Variants in ZNF385D observed in about 807,000 individuals in gnomAD.
ZNF385D encodes zinc finger protein 385D, also known as zinc finger protein 659.
ZNF385D carries 15 observed loss-of-function variants against 35.8 expected under a neutral mutation model. The observed-to-expected ratio is 0.42, with a 90% CI of 0.28 to 0.64. ZNF385D has a LOEUF of 0.64. Ranked by LOEUF, ZNF385D falls within the 30% of genes least tolerant of loss-of-function variation. The pLI is 0.23. For missense variants in ZNF385D, 474 were observed against 494.6 expected (o/e 0.96, Z 0.39); for synonymous variants, 212 against 186.8 (o/e 1.13, Z -1.10).
At chr3:21,544,867 C>A (rs1418647637) in intron 3 of ZNF385D, among the ~76,000 whole-genome samples, 1 of 152,152 alleles carries the variant, frequency 6.6e-6, no homozygotes, top group Non-Finnish European at 1.5e-5. Context: ...TCAAAATTGT[C>A]TTCCCTGGCA....
intron 1 of ZNF385D, among the ~76,000 whole-genome samples, chr3:21,740,922 T>C (rs1384295436): frequency 6.6e-6 from 1 of 152,220 alleles, no homozygotes; most frequent in Admixed American, 6.5e-5. Context: ...TGGACCGGGA[T>C]AGCGCTTTGA....
chr3:22,186,506 G>A (rs1013655939), intron 2 of ZNF385D, among the ~76,000 whole-genome samples: 4 of 152,136 alleles, frequency 2.6e-5, no homozygotes, highest in Non-Finnish European at 2.9e-5. Flanking sequence ...ATTGCAGGCT[G>A]CCATGTCCTG....
At chr3:21,891,491 G>A (rs1289741716) in intron 3 of ZNF385D, among the ~76,000 whole-genome samples, 3 of 151,984 alleles carry the variant, frequency 2.0e-5, no homozygotes, top group Non-Finnish European at 2.9e-5. Flanking sequence ...CTCATTATAT[G>A]GTTATTTGTT....
intron 3 of ZNF385D, among the ~76,000 whole-genome samples, chr3:21,883,928 C>A (rs930774238): frequency 6.6e-6 from 1 of 152,000 alleles, no homozygotes; most frequent in Non-Finnish European, 1.5e-5. Context: ...GAAACCATAT[C>A]TACTAAGTCG....
At position 21,700,773 on chromosome 3, in the gene ZNF385D, T is replaced by C. The variant is rs144385409; in HGVS notation, c.23-35745A>G. Among the ~76,000 whole-genome samples the C allele has an allele frequency of 7.2e-5, 11 of 152,360 alleles. No homozygotes were observed. In the East Asian group the frequency reaches 2.1e-3, roughly 29 times the overall value. On this transcript the variant is annotated intron_variant, in intron 1 of 7. Transcript: ENST00000281523. ...AAATCATGTTGGAATATTTAAGTGA[T>C]ATGTATTAATGTTAATGTTAATGTC... is the stretch of plus-strand genomic sequence containing the variant.
chr3:22,176,593 T>G (rs539163654), intron 2 of ZNF385D, among the ~76,000 whole-genome samples: 2 of 152,176 alleles, frequency 1.3e-5, no homozygotes, highest in Non-Finnish European at 2.9e-5. Flanking sequence ...AACTGAATAT[T>G]TGCAGACTCA....
At chr3:22,125,881 C>T (rs755074340) in intron 3 of ZNF385D, among the ~76,000 whole-genome samples, 16 of 152,022 alleles carry the variant, frequency 1.1e-4, no homozygotes, top group Non-Finnish European at 2.1e-4. Flanking sequence ...TTGACTTCTT[C>T]GTTTACAACC....
chr3:21,547,538 C>T (rs750293362), intron 3 of ZNF385D, among the ~76,000 whole-genome samples: 1 of 152,014 alleles, frequency 6.6e-6, no homozygotes, highest in African/African-American at 2.4e-5. Context: ...CCCAAAATAG[C>T]GCCTCCTGTT....
chr3:21,760,407 C>G (rs1200884433), intron 3 of ZNF385D, among the ~76,000 whole-genome samples: 2 of 152,116 alleles, frequency 1.3e-5, no homozygotes, highest in Non-Finnish European at 2.9e-5. Flanking sequence ...ACTGGTAATG[C>G]TACCCATAGC....
intron 3 of ZNF385D, among the ~76,000 whole-genome samples, chr3:21,961,935 A>G (rs1576017812): frequency 6.6e-6 from 1 of 152,248 alleles, no homozygotes; most frequent in Non-Finnish European, 1.5e-5. Context: ...TAAGGAGAAA[A>G]GTCACCGCAA....
chr3:22,187,676 T>C (rs962740067), intron 2 of ZNF385D, among the ~76,000 whole-genome samples: 1 of 152,132 alleles, frequency 6.6e-6, no homozygotes, highest in Non-Finnish European at 1.5e-5. Context: ...ATAATAGATA[T>C]ATATTTAATT....
At chr3:21,431,617 A>C (rs341853) in intron 5 of ZNF385D, among the ~76,000 whole-genome samples, 96,309 of 151,968 alleles carry the variant, frequency 0.63, 32,891 homozygotes, top group Non-Finnish European at 0.77. Context: ...CCAATATTCA[A>C]ATATGCCCTG....
chr3:22,206,137 C>T (rs765901050), intron 2 of ZNF385D, among the ~76,000 whole-genome samples: 3 of 151,882 alleles, frequency 2.0e-5, no homozygotes, highest in Non-Finnish European at 4.4e-5. Context: ...GCTATACTTA[C>T]ATCAGACAAA....
In ZNF385D at chr3:22,348,909, A is replaced by T. The variant is rs528568393; in HGVS notation, c.106+23541T>A. ...ACAGCCCTGGCAAACTAATACAAGC[A>T]TGTAGACAAAGCTAGCCATTAAATG... On this transcript the variant is annotated intron_variant, in intron 2 of 5. Coordinates refer to the ZNF385D transcript ENST00000494108. Among the ~76,000 whole-genome samples the T allele has an allele frequency of 1.4e-4, 21 of 152,348 alleles. 1 individual carries two copies. The South Asian group carries it at 4.3e-3, about 32-fold the overall frequency.
At chr3:21,971,625 T>C (rs996317353) in intron 3 of ZNF385D, among the ~76,000 whole-genome samples, 9 of 151,496 alleles carry the variant, frequency 5.9e-5, no homozygotes, top group African/African-American at 2.2e-4. Context: ...AATAATAGCA[T>C]TTAATGTAAA....
chr3:22,234,966 A>C (rs1411619482), intron 2 of ZNF385D, among the ~76,000 whole-genome samples: 1 of 152,060 alleles, frequency 6.6e-6, no homozygotes, highest in Non-Finnish European at 1.5e-5. Context: ...ATAGTACCAA[A>C]TAAGAAAATT....
At chr3:21,898,411 A>C (rs1172342154) in intron 3 of ZNF385D, among the ~76,000 whole-genome samples, 5 of 152,142 alleles carry the variant, frequency 3.3e-5, no homozygotes, top group African/African-American at 1.2e-4. Flanking sequence ...TGGAAGACAA[A>C]CTTCCTACAT....
chr3:21,911,420 G>T (rs1180029460), intron 3 of ZNF385D, among the ~76,000 whole-genome samples: 1 of 151,878 alleles, frequency 6.6e-6, no homozygotes, highest in Non-Finnish European at 1.5e-5. Context: ...GGAGAGGCTG[G>T]AGAAATGAGC....
intron 2 of ZNF385D, among the ~76,000 whole-genome samples, chr3:22,172,930 G>A (rs1169424277): frequency 1.3e-5 from 2 of 152,118 alleles, no homozygotes; most frequent in South Asian, 2.1e-4. Flanking sequence ...AAACAGTGTG[G>A]TACAGAAAGA....
Sources: gnomAD v4.1 joint callset for allele counts (sites outside exome capture counted in the v4.1 genomes callset) on GRCh38, gnomAD v4.1.1 for gene constraint, MANE v1.5 for transcripts, NCBI Gene and HGNC (gene_info 2026-07-23, HGNC 2026-07-21) for gene names.